CTNNA2: variants seen among roughly 807,000 people sequenced by gnomAD.
CTNNA2 encodes the protein catenin alpha 2, also known as catenin alpha-2.
CTNNA2 carries 42 observed loss-of-function variants against 101.0 expected under a neutral mutation model. That is an observed-to-expected ratio of 0.42 (90% confidence interval 0.32 to 0.54). The LOEUF (loss-of-function observed/expected upper bound fraction) is 0.54, where lower values mean the gene tolerates loss of function less well. Ranked by LOEUF, CTNNA2 falls within the 20% of genes least tolerant of loss-of-function variation. The probability of loss-of-function intolerance (pLI) is 0.14; values close to 1 mark genes in which losing one functional copy is unlikely to be tolerated. For missense variants in CTNNA2, 871 were observed against 1,223.1 expected, an observed-to-expected ratio of 0.71 and a Z score of 4.29; for synonymous variants, 450 against 456.4, an observed-to-expected ratio of 0.99 and a Z score of 0.18.
intron 7 of CTNNA2, among the ~76,000 whole-genome samples, chr2:80,331,049 G>A (rs1306077117): frequency 6.8e-6 from 1 of 146,368 alleles, no homozygotes; most frequent in Non-Finnish European, 1.5e-5. Flanking sequence ...TCCTTCCCCG[G>A]CTGCATCCAC....
At chr2:80,090,092 A>G (rs1362559647) in intron 7 of CTNNA2, among the ~76,000 whole-genome samples, 1 of 151,998 alleles carries the variant, frequency 6.6e-6, no homozygotes, top group Admixed American at 6.6e-5. Context: ...GTTAAAGTAT[A>G]GAGATGGTGG....
intron 3 of CTNNA2, among the ~76,000 whole-genome samples, chr2:79,817,863 A>G (rs1048925614): frequency 7.9e-5 from 12 of 152,182 alleles, no homozygotes; most frequent in African/African-American, 2.7e-4. Flanking sequence ...ATTGGCTGGA[A>G]GTCTACTCCT....
intron 2 of CTNNA2, among the ~76,000 whole-genome samples, chr2:79,216,581 G>A (rs1308902197): frequency 1.3e-5 from 2 of 151,772 alleles, no homozygotes; most frequent in Admixed American, 1.3e-4. Context: ...TGGAAATAAG[G>A]GATCAGGGGG....
intron 1 of CTNNA2, among the ~76,000 whole-genome samples, chr2:79,635,138 G>A (rs1679937458): frequency 6.6e-6 from 1 of 152,114 alleles, no homozygotes; most frequent in Non-Finnish European, 1.5e-5. Context: ...GGTGGAGAGA[G>A]AAAGAAGAGA....
intron 15 of CTNNA2, among the ~76,000 whole-genome samples, chr2:80,600,034 A>C (rs1697347625): frequency 6.7e-6 from 1 of 148,910 alleles, no homozygotes; most frequent in Non-Finnish European, 1.5e-5. Flanking sequence ...TTCTGTGTTT[A>C]TATTTTATAG....
At chr2:79,601,460 G>T (rs1395720737) in intron 1 of CTNNA2, among the ~76,000 whole-genome samples, 1 of 152,206 alleles carries the variant, frequency 6.6e-6, no homozygotes, top group Non-Finnish European at 1.5e-5. Context: ...ACTGGCATTG[G>T]TTAAGGAGTG....
intron 7 of CTNNA2, among the ~76,000 whole-genome samples, chr2:80,090,581 A>G (rs972974435): frequency 7.9e-5 from 12 of 152,024 alleles, no homozygotes; most frequent in African/African-American, 2.9e-4. Context: ...TTGAGTTAGG[A>G]TGTGTGTTCA....
chr2:79,822,031 A>G lies in CTNNA2; in HGVS notation c.299-35982A>G, dbSNP rs112706696. ...CTTTATTCACTTTATTCCACATAAA[A>G]GAATACAATGTTTTTGCTATTATAA... On this transcript the variant is annotated intron_variant, in intron 3 of 18. Transcript: ENST00000402739. Among the ~76,000 whole-genome samples, 625 of 152,330 alleles carry G rather than the reference A, an allele frequency of 4.1e-3. 4 individuals carry two copies. The highest frequency in any genetic ancestry group is 0.014 in the African/African-American group (592 of 41,578).
intron 1 of CTNNA2, among the ~76,000 whole-genome samples, chr2:79,531,683 A>AT (rs1261877234): frequency 2.9e-3 from 417 of 142,934 alleles, no homozygotes; most frequent in East Asian, 0.016. Flanking sequence ...ATGTTAGTAA[A>AT]TTTTTTTTTT....
intron 9 of CTNNA2, among the ~76,000 whole-genome samples, chr2:80,486,536 C>A (rs1013960541): frequency 6.6e-6 from 1 of 152,208 alleles, no homozygotes; most frequent in South Asian, 2.1e-4. Flanking sequence ...AGGCTCACTG[C>A]GATTTCATCT....
chr2:79,748,457 G>A (rs532779329), intron 3 of CTNNA2, among the ~76,000 whole-genome samples: 1 of 152,176 alleles, frequency 6.6e-6, no homozygotes, highest in Non-Finnish European at 1.5e-5. Context: ...TTTATTAAAT[G>A]ATATGTTGTG....
In CTNNA2 at chr2:80,232,336, TGTTTGTTTG is replaced by T. The variant is rs1187138251; in HGVS notation, c.1057-160874_1057-160866del. 2.5e-3 allele frequency among the ~76,000 whole-genome samples: 174 copies of T among 70,802 alleles called. 2 individuals carry two copies. Among genetic ancestry groups the T allele is most frequent in the East Asian group, 0.01 (21 of 2,032 alleles). 46.4% of individuals were successfully genotyped at this position (70,802 alleles called of 152,430 possible). On this transcript the variant is annotated intron_variant, in intron 7 of 18. Coordinates refer to ENST00000402739, the MANE Select transcript of CTNNA2 (RefSeq NM_001282597.3). The stretch of plus-strand genomic sequence containing the variant: ...AGAATTTGGGTTTTGTTTGTTTGTT[TGTTTGTTTG>T]TTTTTTTTTTTTTTTTTTTTTTTTT...
intron 4 of CTNNA2, among the ~76,000 whole-genome samples, chr2:79,412,906 G>C (rs1428764462): frequency 6.6e-6 from 1 of 152,036 alleles, no homozygotes; most frequent in Non-Finnish European, 1.5e-5. Flanking sequence ...CTTCCATTTA[G>C]GTGGTTACTT....
chr2:79,962,265 G>T (rs944141308), intron 7 of CTNNA2, among the ~76,000 whole-genome samples: 1 of 152,260 alleles, frequency 6.6e-6, no homozygotes, highest in Non-Finnish European at 1.5e-5. Flanking sequence ...GCGATGGCCT[G>T]TTCCTCATAG....
At chr2:80,624,540 T>C (rs933788091) in intron 18 of CTNNA2, among the ~76,000 whole-genome samples, 2 of 151,922 alleles carry the variant, frequency 1.3e-5, no homozygotes, top group African/African-American at 2.4e-5. Context: ...TGAGCCCTGG[T>C]TGAGAAGAAA....
intron 2 of CTNNA2, among the ~76,000 whole-genome samples, chr2:79,661,892 G>A (rs1172312394): frequency 2.6e-5 from 4 of 152,018 alleles, no homozygotes; most frequent in African/African-American, 4.8e-5. Flanking sequence ...AAAGGTCTAA[G>A]GTGAGTTAGA....
chr2:80,225,910 A>G (rs955916880), intron 7 of CTNNA2, among the ~76,000 whole-genome samples: 5 of 152,200 alleles, frequency 3.3e-5, no homozygotes, highest in African/African-American at 1.2e-4. Context: ...AGTGATAGCT[A>G]TAACAACCAA....
At chr2:79,907,861 G>C (rs1339748544) in intron 6 of CTNNA2, among the ~76,000 whole-genome samples, 1 of 152,208 alleles carries the variant, frequency 6.6e-6, no homozygotes, top group Non-Finnish European at 1.5e-5. Context: ...GACATGGTCT[G>C]TGTTTGGTGT....
intron 18 of CTNNA2, among the ~76,000 whole-genome samples, chr2:80,645,810 A>T (rs1573559159): frequency 6.6e-6 from 1 of 152,200 alleles, no homozygotes; most frequent in East Asian, 1.9e-4. Context: ...GTATACGTGC[A>T]TTTTGTATGG....
Sources: gnomAD v4.1 joint callset for allele counts (sites outside exome capture counted in the v4.1 genomes callset) on GRCh38, gnomAD v4.1.1 for gene constraint, MANE v1.5 for transcripts, NCBI Gene and HGNC (gene_info 2026-07-23, HGNC 2026-07-21) for gene names.